KCTD16: variants seen among roughly 807,000 people sequenced by gnomAD.
The protein encoded by KCTD16 is potassium channel tetramerization domain containing 16.
KCTD16 carries 13 observed loss-of-function variants against 33.2 expected under a neutral mutation model. That is an observed-to-expected ratio of 0.39 (90% CI 0.25 to 0.62). The LOEUF is 0.62. KCTD16 is among the 20% of genes least tolerant of loss of function. The probability of loss-of-function intolerance (pLI) is 0.50; values close to 1 mark genes in which losing one functional copy is unlikely to be tolerated. For missense variants in KCTD16, 441 were observed against 525.1 expected (o/e 0.84, Z 1.57); for synonymous variants, 197 against 195.3 (o/e 1.01, Z -0.07).
chr5:144,335,753 G>A (rs1752471916), intron 3 of KCTD16, among the ~76,000 whole-genome samples: 1 of 152,158 alleles, frequency 6.6e-6, no homozygotes, highest in Non-Finnish European at 1.5e-5. Flanking sequence ...TGTAGTGTGA[G>A]CAAAGCTCTG....
At chr5:144,398,708 A>ACACACTCTCTCTCTCTCTCT (rs1554092476) in intron 3 of KCTD16, among the ~76,000 whole-genome samples, 1 of 145,454 alleles carries the variant, frequency 6.9e-6, no homozygotes, top group Admixed American at 6.9e-5. Flanking sequence ...ACACACACAC[A>ACACACTCTCTCTCTCTCTCT]CTCTCTCTCT....
chr5:144,238,843 T>A (rs1391004784), intron 3 of KCTD16, among the ~76,000 whole-genome samples: 2 of 152,180 alleles, frequency 1.3e-5, no homozygotes, highest in Non-Finnish European at 2.9e-5. Context: ...ATTGAGCGCA[T>A]CCTTATTGCT....
At chr5:144,353,071 A>T (rs1751482397) in intron 3 of KCTD16, among the ~76,000 whole-genome samples, 1 of 152,228 alleles carries the variant, frequency 6.6e-6, no homozygotes, top group Non-Finnish European at 1.5e-5. Flanking sequence ...TTAGATGCAG[A>T]CCAGGGCTAA....
chr5:144,451,285 C>T (rs1002258546), intron 3 of KCTD16, among the ~76,000 whole-genome samples: 1 of 152,046 alleles, frequency 6.6e-6, no homozygotes, highest in Non-Finnish European at 1.5e-5. Flanking sequence ...TAGTCAATTT[C>T]TCCAAGTTAT....
chr5:144,384,268 G>A (rs2126933609), intron 3 of KCTD16: 1 of 152,264 alleles, frequency 6.6e-6, no homozygotes, highest in South Asian at 2.1e-4. Context: ...ACAAAGTCCA[G>A]GCACTTCTTT....
intron 3 of KCTD16, among the ~76,000 whole-genome samples, chr5:144,267,548 T>A (rs1003992618): frequency 2.6e-5 from 4 of 152,114 alleles, no homozygotes; most frequent in African/African-American, 4.8e-5. Context: ...CTTCCTGGAG[T>A]TTATACCCCC....
intron 3 of KCTD16, among the ~76,000 whole-genome samples, chr5:144,285,391 C>T (rs1755716668): frequency 6.6e-6 from 1 of 152,168 alleles, no homozygotes; most frequent in South Asian, 2.1e-4. Context: ...AACTTACTTA[C>T]CAGCCTCTTA....
chr5:144,352,213 A>C (rs974976227), intron 3 of KCTD16, among the ~76,000 whole-genome samples: 3 of 152,218 alleles, frequency 2.0e-5, no homozygotes, highest in African/African-American at 7.2e-5. Context: ...TCCTCTTCTT[A>C]GGATTGCAAT....
chr5:144,428,166 C>T (rs754466780), intron 3 of KCTD16, among the ~76,000 whole-genome samples: 3 of 152,064 alleles, frequency 2.0e-5, no homozygotes, highest in Non-Finnish European at 2.9e-5. Flanking sequence ...ACACTAGGTA[C>T]GCCTTCCTTA....
At chr5:144,457,520 G>T (rs1000857697) in intron 3 of KCTD16, among the ~76,000 whole-genome samples, 2 of 152,134 alleles carry the variant, frequency 1.3e-5, no homozygotes, top group African/African-American at 4.8e-5. Context: ...AGTTAATGAG[G>T]TGAGAAACCT....
chr5:144,441,964 T>C lies in KCTD16; in HGVS notation c.833-31696T>C, dbSNP rs565193164. Among the ~76,000 whole-genome samples, 35 of 152,206 alleles carry C rather than the reference T, an allele frequency of 2.3e-4. No individual in the cohort carries two copies. In the South Asian group the frequency reaches 7.2e-3, roughly 32 times the overall value. ...AGTATTGTCTTCTATTCACGAACATTTCAACATTTTAAAAAAGTTTAATAT... is the reference window on the plus strand; with the variant it reads ...AGTATTGTCTTCTATTCACGAACATCTCAACATTTTAAAAAAGTTTAATAT... On this transcript the variant is annotated intron_variant, in intron 3 of 3. Coordinates refer to ENST00000512467, the MANE Select transcript of KCTD16 (RefSeq NM_020768.4).
At chr5:144,454,261 G>A (rs1057352345) in intron 3 of KCTD16, among the ~76,000 whole-genome samples, 2 of 152,098 alleles carry the variant, frequency 1.3e-5, no homozygotes, top group Non-Finnish European at 2.9e-5. Flanking sequence ...AGTTTATGCA[G>A]AACCTTCCAT....
intron 3 of KCTD16, among the ~76,000 whole-genome samples, chr5:144,241,783 T>G (rs1203555770): frequency 6.6e-6 from 1 of 152,210 alleles, no homozygotes; most frequent in Non-Finnish European, 1.5e-5. Flanking sequence ...TTAACTCATG[T>G]TCTTTCAAGT....
intron 3 of KCTD16, among the ~76,000 whole-genome samples, chr5:144,388,635 T>A (rs1752384489): frequency 6.6e-6 from 1 of 152,166 alleles, no homozygotes; most frequent in South Asian, 2.1e-4. Flanking sequence ...CATAAGAAGG[T>A]CTCAATTCAC....
chr5:144,223,861 G>A (rs189684263), intron 3 of KCTD16, among the ~76,000 whole-genome samples: 2 of 152,100 alleles, frequency 1.3e-5, no homozygotes, highest in Admixed American at 1.3e-4. Context: ...AATTAGGTAA[G>A]GTGTTCCTCC....
intron 3 of KCTD16, among the ~76,000 whole-genome samples, chr5:144,234,391 A>T (rs1451500844): frequency 6.6e-6 from 1 of 152,196 alleles, no homozygotes; most frequent in African/African-American, 2.4e-5. Context: ...GCTTGGTCAA[A>T]TCACATCATG....
At chr5:144,396,758 A>G (rs1442408807) in intron 3 of KCTD16, among the ~76,000 whole-genome samples, 1 of 152,048 alleles carries the variant, frequency 6.6e-6, no homozygotes, top group East Asian at 1.9e-4. Flanking sequence ...CAGGCTCAAA[A>G]TAAGTCTCAT....
chr5:144,448,218 C>T (rs1404316330), intron 3 of KCTD16, among the ~76,000 whole-genome samples: 4 of 152,092 alleles, frequency 2.6e-5, no homozygotes, highest in Non-Finnish European at 4.4e-5. Context: ...ACCTGATAAT[C>T]ACCCTATTAT....
At chr5:144,415,757 T>C (rs1208465705) in intron 3 of KCTD16, among the ~76,000 whole-genome samples, 1 of 152,188 alleles carries the variant, frequency 6.6e-6, no homozygotes, top group East Asian at 1.9e-4. Flanking sequence ...CTTTGTAAAA[T>C]ATAAAACTCT....
Sources: allele counts gnomAD v4.1 joint callset (sites outside exome capture counted in the v4.1 genomes callset), GRCh38; gene constraint gnomAD v4.1.1; transcripts MANE v1.5; gene names NCBI Gene and HGNC (gene_info 2026-07-23, HGNC 2026-07-21).